Variants in PLCXD3 observed in about 807,000 individuals in gnomAD.
The protein encoded by PLCXD3 is PI-PLC X domain-containing protein 3.
Under a neutral mutation model 25.5 loss-of-function variants are expected in PLCXD3, and 19 were observed. The observed-to-expected ratio is 0.75, with a 90% CI of 0.52 to 1.09. PLCXD3 has a LOEUF of 1.09. PLCXD3 is among the 50% of genes least tolerant of loss of function. The pLI, the probability that PLCXD3 is intolerant of heterozygous loss-of-function variation, is 0.00. For missense variants in PLCXD3, 411 were observed against 388.1 expected (o/e 1.06, Z -0.50); for synonymous variants, 174 against 137.6 (o/e 1.26, Z -1.85).
chr5:41,499,039 A>T (rs1748896954), intron 1 of PLCXD3, among the ~76,000 whole-genome samples: 1 of 151,666 alleles, frequency 6.6e-6, no homozygotes, highest in African/African-American at 2.4e-5. Context: ...ACAAGCCCAT[A>T]GTCATACTCA....
chr5:41,439,868 C>T (rs1224505069), intron 1 of PLCXD3, among the ~76,000 whole-genome samples: 2 of 152,138 alleles, frequency 1.3e-5, no homozygotes, highest in Admixed American at 6.5e-5. Flanking sequence ...CACAAATGAA[C>T]TATATTCAAC....
At position 41,313,762 on chromosome 5, in the gene PLCXD3, G is replaced by A; in HGVS notation, c.821C>T (p.Pro274Leu). Residue 274 changes from proline (P) to leucine (L), a missense_variant, in exon 3 of 3, where the codon CCT (proline) becomes CTT (leucine). By Grantham distance (98) the Pro-to-Leu change is moderately conservative. Transcript: ENST00000377801. Reference sequence around the variant, plus strand: ...CGTGCGGACCCACTGCATCATGGCAGGAAGAGCTCTGAGAAAGGAAACAAA... The same window carrying A: ...CGTGCGGACCCACTGCATCATGGCAAGAAGAGCTCTGAGAAAGGAAACAAA... ...LRETITERAL[P>L]AMMQWVRTQK... is the part of the protein sequence containing the mutation. The A allele has an allele frequency of 6.3e-7, 1 of 1,587,824 alleles. No individual in the cohort carries two copies. The highest frequency in any genetic ancestry group is 8.6e-7 in the Non-Finnish European group (1 of 1,168,310).
At chr5:41,447,548 A>G (rs1223747463) in intron 1 of PLCXD3, among the ~76,000 whole-genome samples, 2 of 152,232 alleles carry the variant, frequency 1.3e-5, no homozygotes, top group African/African-American at 4.8e-5. Context: ...GTTTGATAAC[A>G]GCATATTGGA....
rs555579873 is a variant in PLCXD3 at position 41,326,333 on chromosome 5, C to T, written c.813-12563G>A. 4.6e-5 allele frequency among the ~76,000 whole-genome samples: 7 copies of T among 152,266 alleles called. No homozygotes were observed. The South Asian group carries it at 1.5e-3, about 32-fold the overall frequency. On this transcript the variant is annotated intron_variant, in intron 2 of 2. Coordinates refer to ENST00000377801, the MANE Select transcript of PLCXD3 (RefSeq NM_001005473.3). Reference sequence around the variant, plus strand: ...GTTCCTTTTTTGTGTGTGTTATCTACACCACAGTCAGGACAATGTTTCTCA... The same window carrying T: ...GTTCCTTTTTTGTGTGTGTTATCTATACCACAGTCAGGACAATGTTTCTCA...
intron 2 of PLCXD3, among the ~76,000 whole-genome samples, chr5:41,374,366 C>T (rs1302746689): frequency 1.3e-5 from 2 of 152,108 alleles, no homozygotes; most frequent in Non-Finnish European, 2.9e-5. Context: ...CTGGAGCTTC[C>T]TTTTGATTTA....
intron 2 of PLCXD3, among the ~76,000 whole-genome samples, chr5:41,339,629 A>G (rs1744082481): frequency 6.6e-6 from 1 of 152,068 alleles, no homozygotes; most frequent in Non-Finnish European, 1.5e-5. Flanking sequence ...TAAGTAAGTC[A>G]TTGATTCACT....
chr5:41,327,427 T>C (rs950207010), intron 2 of PLCXD3, among the ~76,000 whole-genome samples: 1 of 152,186 alleles, frequency 6.6e-6, no homozygotes, highest in Admixed American at 6.5e-5. Flanking sequence ...ATTAATTCCA[T>C]CCAAAGGCTC....
At chr5:41,369,404 T>G in intron 2 of PLCXD3, among the ~76,000 whole-genome samples, 1 of 152,286 alleles carries the variant, frequency 6.6e-6, no homozygotes, top group South Asian at 2.1e-4. Context: ...GCAACCTGAA[T>G]TAAACTCTTG....
chr5:41,423,371 TAA>T (rs1174608136), intron 1 of PLCXD3, among the ~76,000 whole-genome samples: 1 of 152,058 alleles, frequency 6.6e-6, no homozygotes, highest in East Asian at 1.9e-4. Context: ...CATTTTCAGT[TAA>T]GTTCTATTTT....
intron 1 of PLCXD3, among the ~76,000 whole-genome samples, chr5:41,462,742 A>G (rs1747919212): frequency 6.6e-6 from 1 of 151,816 alleles, no homozygotes; most frequent in Admixed American, 6.6e-5. Flanking sequence ...CTGAGATCGC[A>G]TCATTTCACT....
At chr5:41,393,445 C>T (rs922016839) in intron 1 of PLCXD3, among the ~76,000 whole-genome samples, 1 of 152,132 alleles carries the variant, frequency 6.6e-6, no homozygotes, top group African/African-American at 2.4e-5. Context: ...AGCTTTTACC[C>T]TAGAATAGTA....
intron 1 of PLCXD3, among the ~76,000 whole-genome samples, chr5:41,442,461 A>G (rs1413206781): frequency 5.3e-5 from 8 of 152,226 alleles, no homozygotes; most frequent in East Asian, 1.9e-4. Context: ...CCCAAACACC[A>G]CATTTCTAAG....
At chr5:41,483,359 C>T (rs906182319) in intron 1 of PLCXD3, among the ~76,000 whole-genome samples, 5 of 152,100 alleles carry the variant, frequency 3.3e-5, no homozygotes, top group African/African-American at 1.2e-4. Context: ...GGACCGGATG[C>T]GAAATGACCT....
chr5:41,443,832 A>G (rs318069), intron 1 of PLCXD3, among the ~76,000 whole-genome samples: 130,756 of 152,226 alleles, frequency 0.86, 56,442 homozygotes, highest in Middle Eastern at 0.91. Context: ...GACAGCCTGT[A>G]ATTTTACTTA....
chr5:41,426,238 T>C (rs1746953250), intron 1 of PLCXD3, among the ~76,000 whole-genome samples: 1 of 152,288 alleles, frequency 6.6e-6, no homozygotes, highest in East Asian at 1.9e-4. Context: ...ATTTTTCATC[T>C]GTATAGTTTC....
intron 2 of PLCXD3, among the ~76,000 whole-genome samples, chr5:41,329,772 A>AT (rs958625498): frequency 1.3e-5 from 2 of 149,730 alleles, no homozygotes; most frequent in Non-Finnish European, 3.0e-5. Flanking sequence ...ATTAGAATTA[A>AT]TTTTTTTATA....
intron 1 of PLCXD3, among the ~76,000 whole-genome samples, chr5:41,494,614 C>T (rs568184570): frequency 2.0e-5 from 3 of 152,242 alleles, no homozygotes; most frequent in African/African-American, 7.2e-5. Context: ...ATTAATAGCA[C>T]TATTTGGGTC....
chr5:41,310,037 A>G lies in PLCXD3; in HGVS notation c.*3580T>C, dbSNP rs1743086714. On this transcript the variant is annotated 3_prime_UTR_variant, in exon 3 of 3. Coordinates refer to ENST00000377801, the MANE Select transcript of PLCXD3 (RefSeq NM_001005473.3). Reference sequence around the variant, plus strand: ...GTGTGTGTAATGTGTGTATGTGCACATACAGGTGTATACATGGCAAACATT... The same window carrying G: ...GTGTGTGTAATGTGTGTATGTGCACGTACAGGTGTATACATGGCAAACATT... The G allele has an allele frequency of 6.6e-6, 1 of 152,200 alleles. No individual in the cohort carries two copies. The highest frequency in any genetic ancestry group is 2.1e-4 in the South Asian group (1 of 4,832). 9.4% of individuals were successfully genotyped at this position (152,200 alleles called of 1,614,324 possible). A position where few individuals can be genotyped will look rare whatever the true frequency, so the allele number is the denominator to read the frequency against.
intron 2 of PLCXD3, among the ~76,000 whole-genome samples, chr5:41,368,914 C>T (rs927766620): frequency 2.0e-5 from 3 of 152,112 alleles, no homozygotes; most frequent in African/African-American, 4.8e-5. Context: ...ATAAACAACC[C>T]GCATCAGGAG....
Sources: allele counts gnomAD v4.1 joint callset (sites outside exome capture counted in the v4.1 genomes callset), GRCh38; gene constraint gnomAD v4.1.1; transcripts MANE v1.5; gene names NCBI Gene and HGNC (gene_info 2026-07-23, HGNC 2026-07-21).